Variants in TANC2 observed in about 807,000 individuals in gnomAD.
The protein encoded by TANC2 is tetratricopeptide repeat, ankyrin repeat and coiled-coil containing 2.
TANC2 carries 26 observed loss-of-function variants against 210.5 expected under a neutral mutation model. The ratio of observed to expected loss-of-function variants is 0.12; its 90% CI spans 0.09 to 0.17. TANC2 has a LOEUF of 0.17. Ranked by LOEUF, TANC2 falls within the 10% of genes least tolerant of loss-of-function variation. The probability of loss-of-function intolerance (pLI) is 1.00; values close to 1 mark genes in which losing one functional copy is unlikely to be tolerated. For synonymous variants in TANC2, 931 were observed against 967.1 expected (o/e 0.96, Z 0.69); for missense variants, 2,129 against 2,608.9 (o/e 0.82, Z 4.01).
At chr17:63,054,266 A>G (rs1218610319) in intron 2 of TANC2, among the ~76,000 whole-genome samples, 2 of 152,218 alleles carry the variant, frequency 1.3e-5, no homozygotes, top group Non-Finnish European at 2.9e-5. Flanking sequence ...TCTACCCCAA[A>G]TAGAAGAGCT....
intron 12 of TANC2, among the ~76,000 whole-genome samples, chr17:63,341,275 T>A (rs999306409): frequency 6.6e-6 from 1 of 152,244 alleles, no homozygotes; most frequent in Non-Finnish European, 1.5e-5. Flanking sequence ...CCTCTGTCAC[T>A]ACCTTTGCTA....
intron 4 of TANC2, among the ~76,000 whole-genome samples, chr17:63,124,701 A>G (rs1022246030): frequency 1.3e-5 from 2 of 152,210 alleles, no homozygotes; most frequent in African/African-American, 2.4e-5. Context: ...TCCGTGGCCT[A>G]TTAGGAACTG....
At chr17:63,207,024 C>T (rs1251937827) in intron 7 of TANC2, among the ~76,000 whole-genome samples, 1 of 152,036 alleles carries the variant, frequency 6.6e-6, no homozygotes, top group African/African-American at 2.4e-5. Flanking sequence ...AAGCCTTCTT[C>T]TGTATCTCTT....
intron 13 of TANC2, among the ~76,000 whole-genome samples, chr17:63,352,702 T>G (rs1196732227): frequency 6.6e-6 from 1 of 152,130 alleles, no homozygotes; most frequent in Non-Finnish European, 1.5e-5. Context: ...GAAAAAGTAC[T>G]TCAACTAAGA....
At chr17:63,289,153 T>G (rs780304365) in intron 9 of TANC2, among the ~76,000 whole-genome samples, 3 of 152,222 alleles carry the variant, frequency 2.0e-5, no homozygotes, top group Non-Finnish European at 4.4e-5. Flanking sequence ...CGCCTAAGTA[T>G]AGCTTAGGGG....
At chr17:63,040,065 A>G (rs2035124653) in intron 2 of TANC2, among the ~76,000 whole-genome samples, 1 of 152,166 alleles carries the variant, frequency 6.6e-6, no homozygotes, top group Non-Finnish European at 1.5e-5. Context: ...AATAGCAGAA[A>G]ACATTAGTAG....
chr17:63,240,979 C>T lies in TANC2; in HGVS notation c.1033+2902C>T, dbSNP rs368755615. Among the ~76,000 whole-genome samples, 3 of 152,146 alleles carry T rather than the reference C, an allele frequency of 2.0e-5. No individual in the cohort carries two copies. The South Asian group carries it at 6.2e-4, about 31-fold the overall frequency. ...TTGACATTAGCAACTGAGAAGACTC[C>T]AGTAGAGGTTCCATAGTGAGTGAAC... On this transcript the variant is annotated intron_variant, in intron 8 of 27. Transcript: ENST00000689528.
chr17:63,032,733 T>G (rs1291540211), intron 2 of TANC2, among the ~76,000 whole-genome samples: 1 of 152,182 alleles, frequency 6.6e-6, no homozygotes, highest in Non-Finnish European at 1.5e-5. Context: ...TGTTCTATAC[T>G]CACACATTCT....
At chr17:63,117,478 T>A (rs906641347) in intron 4 of TANC2, among the ~76,000 whole-genome samples, 3 of 152,246 alleles carry the variant, frequency 2.0e-5, no homozygotes, top group African/African-American at 7.2e-5. Flanking sequence ...AATACCACAG[T>A]GCTTCTCTGG....
intron 15 of TANC2, among the ~76,000 whole-genome samples, chr17:63,385,187 T>C (rs2047738834): frequency 6.6e-6 from 1 of 152,236 alleles, no homozygotes; most frequent in Non-Finnish European, 1.5e-5. Flanking sequence ...TCCTGCCTTT[T>C]TTTCCTTCAA....
At chr17:63,337,464 A>G (rs1598885038) in intron 11 of TANC2, among the ~76,000 whole-genome samples, 1 of 151,930 alleles carries the variant, frequency 6.6e-6, no homozygotes, top group African/African-American at 2.4e-5. Context: ...ATAGATAACT[A>G]TATATTTTAA....
intron 1 of TANC2, among the ~76,000 whole-genome samples, chr17:62,981,148 C>A (rs1050045777): frequency 1.3e-5 from 2 of 152,152 alleles, no homozygotes; most frequent in African/African-American, 2.4e-5. Context: ...AGTTCTTTCA[C>A]GTTCCCATTG....
intron 3 of TANC2, among the ~76,000 whole-genome samples, chr17:63,098,868 A>G (rs2037514641): frequency 6.6e-6 from 1 of 152,072 alleles, no homozygotes; most frequent in Non-Finnish European, 1.5e-5. Flanking sequence ...TCAGAAAAAA[A>G]AGTAAGATCA....
At chr17:63,003,120 A>G (rs2033462182) in intron 1 of TANC2, among the ~76,000 whole-genome samples, 1 of 152,210 alleles carries the variant, frequency 6.6e-6, no homozygotes, top group Admixed American at 6.5e-5. Context: ...ATTGTGATCA[A>G]TATTTGATAT....
chr17:63,283,566 A>G (rs1033943395), intron 9 of TANC2, among the ~76,000 whole-genome samples: 1 of 151,792 alleles, frequency 6.6e-6, no homozygotes, highest in African/African-American at 2.4e-5. Flanking sequence ...TTGAGGGGGG[A>G]AGATAGATAA....
intron 2 of TANC2, among the ~76,000 whole-genome samples, chr17:63,038,252 T>G (rs2035052785): frequency 6.6e-6 from 1 of 152,184 alleles, no homozygotes; most frequent in Non-Finnish European, 1.5e-5. Context: ...AAAAAATACT[T>G]TTTCTCTGAT....
intron 26 of TANC2, among the ~76,000 whole-genome samples, chr17:63,416,436 C>T (rs1203083968): frequency 6.6e-6 from 1 of 152,168 alleles, no homozygotes; most frequent in East Asian, 1.9e-4. Flanking sequence ...AAAAATAATC[C>T]AAGCCAAACA....
chr17:63,196,372 T>G (rs959616713), intron 6 of TANC2, among the ~76,000 whole-genome samples: 8 of 152,228 alleles, frequency 5.3e-5, no homozygotes, highest in African/African-American at 1.4e-4. Flanking sequence ...AGTTAAAATG[T>G]GACTGTTATA....
At chr17:63,070,651 T>C (rs1362118627) in intron 2 of TANC2, among the ~76,000 whole-genome samples, 1 of 152,092 alleles carries the variant, frequency 6.6e-6, no homozygotes, top group Non-Finnish European at 1.5e-5. Flanking sequence ...TAAGAATGGT[T>C]TTTATATTTG....
Sources: gnomAD v4.1 joint callset for allele counts (sites outside exome capture counted in the v4.1 genomes callset) on GRCh38, gnomAD v4.1.1 for gene constraint, MANE v1.5 for transcripts, NCBI Gene and HGNC (gene_info 2026-07-23, HGNC 2026-07-21) for gene names.